The following TOX variants were observed in gnomAD, a reference collection of about 807,000 sequenced individuals.
The protein encoded by TOX is thymocyte selection associated high mobility group box.
In TOX, 11 loss-of-function variants were observed where a neutral mutation model predicts 53.7. The observed-to-expected ratio is 0.20, with a 90% confidence interval of 0.13 to 0.34. The LOEUF is 0.34. TOX is among the 10% of genes least tolerant of loss of function. The pLI is 1.00. For synonymous variants in TOX, 225 were observed against 245.3 expected (o/e 0.92, Z 0.77); for missense variants, 570 against 664.6 (o/e 0.86, Z 1.56).
chr8:58,876,364 G>A (rs1292635519), intron 3 of TOX, among the ~76,000 whole-genome samples: 1 of 152,110 alleles, frequency 6.6e-6, no homozygotes, highest in Non-Finnish European at 1.5e-5. Context: ...GTGATTTGAT[G>A]TGGGCTAGAT....
chr8:59,117,067 T>G lies in TOX; in HGVS notation c.102+1819A>C, dbSNP rs1430114148. Among the ~76,000 whole-genome samples the G allele has an allele frequency of 1.3e-5, 2 of 152,232 alleles. No homozygotes were observed. The highest frequency in any genetic ancestry group is 2.1e-4 in the South Asian group (1 of 4,832). ...TGTATCCAAGTCATTAACTTCTTTTTGGGGCCTAAAATCACTGATAAACTT... is the reference window on the plus strand; with the variant it reads ...TGTATCCAAGTCATTAACTTCTTTTGGGGGCCTAAAATCACTGATAAACTT... On this transcript the variant is annotated intron_variant, in intron 1 of 8. Coordinates refer to ENST00000361421, the MANE Select transcript of TOX (RefSeq NM_014729.3). This position sits in a 1 kb window ranked among gnomAD's most constrained non-coding sequence, Gnocchi z 4.6.
intron 3 of TOX, among the ~76,000 whole-genome samples, chr8:58,907,261 G>A (rs899628666): frequency 1.3e-5 from 2 of 152,070 alleles, no homozygotes; most frequent in Admixed American, 6.6e-5. Context: ...GTCCTTTGAG[G>A]GTCCATTGGA....
intron 1 of TOX, among the ~76,000 whole-genome samples, chr8:59,043,747 AGC>A (rs757966696): frequency 2.6e-5 from 4 of 152,240 alleles, no homozygotes; most frequent in Non-Finnish European, 5.9e-5. Flanking sequence ...ATGGATGGGT[AGC>A]CCCGAGTAGT....
At chr8:59,116,084 A>T (rs556950651) in intron 1 of TOX, among the ~76,000 whole-genome samples, 1 of 152,298 alleles carries the variant, frequency 6.6e-6, no homozygotes, top group South Asian at 2.1e-4. Flanking sequence ...ATTGAAAAAA[A>T]TGTCACCGGG....
intron 1 of TOX, among the ~76,000 whole-genome samples, chr8:59,049,618 T>C (rs1227334157): frequency 1.3e-5 from 2 of 152,194 alleles, no homozygotes; most frequent in African/African-American, 2.4e-5. Flanking sequence ...AACAGCAGTA[T>C]GGTGAACCTG....
At chr8:59,074,457 C>T (rs968899253) in intron 1 of TOX, among the ~76,000 whole-genome samples, 2 of 152,090 alleles carry the variant, frequency 1.3e-5, no homozygotes, top group Admixed American at 6.5e-5. Context: ...CATCTATCTA[C>T]GAGGTACCTC....
At chr8:58,883,236 A>G (rs1389100182) in intron 3 of TOX, among the ~76,000 whole-genome samples, 3 of 152,214 alleles carry the variant, frequency 2.0e-5, no homozygotes. Context: ...TGAGCTCACT[A>G]TCACCAGCAG....
At chr8:59,017,195 G>A (rs1271447297) in intron 1 of TOX, among the ~76,000 whole-genome samples, 1 of 152,230 alleles carries the variant, frequency 6.6e-6, no homozygotes, top group Non-Finnish European at 1.5e-5. Context: ...TTAGTTAGCT[G>A]TAATAAACAT....
chr8:59,087,881 GT>G, intron 1 of TOX, among the ~76,000 whole-genome samples: 1 of 152,270 alleles, frequency 6.6e-6, no homozygotes, highest in Admixed American at 6.5e-5. Context: ...ACAAGAAAAG[GT>G]GGAGTGCTCA....
chr8:59,012,835 A>G (rs909797520), intron 1 of TOX, among the ~76,000 whole-genome samples: 7 of 152,060 alleles, frequency 4.6e-5, no homozygotes, highest in African/African-American at 1.7e-4. Context: ...GACTAAAATG[A>G]CAGCCCTAGT....
intron 1 of TOX, among the ~76,000 whole-genome samples, chr8:59,068,393 A>G (rs1563436099): frequency 6.6e-6 from 1 of 151,734 alleles, no homozygotes; most frequent in Non-Finnish European, 1.5e-5. Flanking sequence ...GATAAAGAAG[A>G]AAACAAGAAA....
In TOX at chr8:58,808,194, T is replaced by C. The variant is rs895560164; in HGVS notation, c.1468A>G (p.Met490Val). The C allele has an allele frequency of 5.0e-6, 8 of 1,613,970 alleles. No homozygotes were observed. The highest frequency in any genetic ancestry group is 6.8e-6 in the Non-Finnish European group (8 of 1,179,986). Residue 490 changes from methionine to valine, a missense_variant, in exon 8 of 9, where the codon ATG (methionine) becomes GTG (valine). Physicochemically the swap from Met to Val is conservative, Grantham distance 21. Around this residue, in one of 3 missense-constraint regions of TOX, gnomAD observed 239 missense variants for 250.7 expected, o/e 0.95. Transcript: ENST00000361421. ...STAAQVVTQA[M>V]EYVRSGCRNP... ...CTGCACCCCGAACGCACATACTCCA[T>C]TGCCTGGGTGACAACTTGTGCAGCT...
At chr8:58,897,631 A>C (rs1403085574) in intron 3 of TOX, among the ~76,000 whole-genome samples, 1 of 152,170 alleles carries the variant, frequency 6.6e-6, no homozygotes, top group Admixed American at 6.5e-5. Context: ...TAGTCATTCC[A>C]AGACTAAAAT....
intron 1 of TOX, among the ~76,000 whole-genome samples, chr8:59,034,781 A>C (rs1249832362): frequency 6.6e-6 from 1 of 151,890 alleles, no homozygotes; most frequent in Non-Finnish European, 1.5e-5. Flanking sequence ...AATTAGAACA[A>C]ATACCTACAC....
intron 1 of TOX, among the ~76,000 whole-genome samples, chr8:59,024,391 G>C (rs1262300166): frequency 1.3e-5 from 2 of 152,116 alleles, no homozygotes; most frequent in Admixed American, 1.3e-4. Flanking sequence ...TTTTGGGTTG[G>C]AACATTAATT....
At chr8:58,813,713 A>G (rs1329369424) in intron 7 of TOX, among the ~76,000 whole-genome samples, 1 of 152,212 alleles carries the variant, frequency 6.6e-6, no homozygotes, top group Non-Finnish European at 1.5e-5. Context: ...GGATGCAGAT[A>G]AGAAAATCAT....
chr8:58,956,351 A>T (rs975189435), intron 2 of TOX, among the ~76,000 whole-genome samples: 3 of 152,188 alleles, frequency 2.0e-5, no homozygotes, highest in Middle Eastern at 3.2e-3. Flanking sequence ...GAGAAAAGTC[A>T]GGGCTGAGGT....
chr8:59,074,966 G>A (rs554576401), intron 1 of TOX, among the ~76,000 whole-genome samples: 1 of 152,304 alleles, frequency 6.6e-6, no homozygotes, highest in East Asian at 1.9e-4. Context: ...CCTGTAAGCA[G>A]AACTGAAGGC....
At chr8:59,025,691 A>G (rs80336663) in intron 1 of TOX, among the ~76,000 whole-genome samples, 268 of 152,180 alleles carry the variant, frequency 1.8e-3, no homozygotes, top group African/African-American at 6.1e-3. Context: ...TTCAAGGCCC[A>G]ACTCAGAGGT....
Sources: allele counts gnomAD v4.1 joint callset (sites outside exome capture counted in the v4.1 genomes callset), GRCh38; gene constraint gnomAD v4.1.1; regional missense constraint gnomAD v4.1.1; non-coding constraint Gnocchi (gnomAD v3.1); transcripts MANE v1.5; gene names NCBI Gene and HGNC (gene_info 2026-07-23, HGNC 2026-07-21).